CHRM3: variants seen among roughly 807,000 people sequenced by gnomAD.
The protein encoded by CHRM3 is cholinergic receptor muscarinic 3.
Under a neutral mutation model 41.8 loss-of-function variants are expected in CHRM3, and 11 were observed. The ratio of observed to expected loss-of-function variants is 0.26; its 90% CI spans 0.17 to 0.44. CHRM3 has a LOEUF of 0.44. CHRM3 is among the 20% of genes least tolerant of loss of function. The pLI is 1.00. For synonymous variants in CHRM3, 297 were observed against 301.4 expected (o/e 0.99, Z 0.15); for missense variants, 571 against 745.4 (o/e 0.77, Z 2.72).
At chr1:239,809,998 GAGACGGGTA>G (rs1274394680) in intron 5 of CHRM3, among the ~76,000 whole-genome samples, 3 of 152,192 alleles carry the variant, frequency 2.0e-5, no homozygotes, top group African/African-American at 7.2e-5. Context: ...TCTTTATCTT[GAGACGGGTA>G]AGATTCTGCA....
intron 1 of CHRM3, among the ~76,000 whole-genome samples, chr1:239,394,893 T>C (rs571807038): frequency 1.6e-4 from 24 of 152,268 alleles, no homozygotes; most frequent in African/African-American, 5.5e-4. Context: ...CTTAACCTTT[T>C]CAATTACACT....
chr1:239,791,349 ACC>A (rs1176790280), intron 5 of CHRM3, among the ~76,000 whole-genome samples: 2 of 152,014 alleles, frequency 1.3e-5, no homozygotes, highest in African/African-American at 4.8e-5. Context: ...AAGCAATCCA[ACC>A]TTCTTGGCCT....
At chr1:239,392,609 T>C (rs1045275418) in intron 1 of CHRM3, among the ~76,000 whole-genome samples, 1 of 152,226 alleles carries the variant, frequency 6.6e-6, no homozygotes, top group Non-Finnish European at 1.5e-5. Flanking sequence ...CAGCCTGTTT[T>C]GGAGAGAGTT....
intron 1 of CHRM3, among the ~76,000 whole-genome samples, chr1:239,443,400 T>G (rs1280808889): frequency 1.3e-5 from 2 of 152,066 alleles, no homozygotes; most frequent in Non-Finnish European, 2.9e-5. Context: ...AATGCAAAAT[T>G]GATATCAATT....
intron 1 of CHRM3, among the ~76,000 whole-genome samples, chr1:239,419,966 C>T (rs533345458): frequency 1.2e-4 from 18 of 152,124 alleles, no homozygotes; most frequent in Admixed American, 3.3e-4. Flanking sequence ...TTCGGCAGTC[C>T]GCTGACTGTC....
intron 5 of CHRM3, among the ~76,000 whole-genome samples, chr1:239,799,875 G>A (rs1670075385): frequency 6.6e-6 from 1 of 152,140 alleles, no homozygotes; most frequent in South Asian, 2.1e-4. Context: ...AGAGCACGTT[G>A]GAAGCTTAGA....
intron 4 of CHRM3, among the ~76,000 whole-genome samples, chr1:239,670,862 TG>T (rs1256135980): frequency 6.6e-6 from 1 of 152,126 alleles, no homozygotes; most frequent in Non-Finnish European, 1.5e-5. Flanking sequence ...GAACTTCATA[TG>T]CAAGTTTCTG....
chr1:239,494,877 T>A (rs1667782248), intron 2 of CHRM3, among the ~76,000 whole-genome samples: 1 of 152,204 alleles, frequency 6.6e-6, no homozygotes, highest in African/African-American at 2.4e-5. Flanking sequence ...GGACATGACC[T>A]CATTCCTTTT....
intron 1 of CHRM3, among the ~76,000 whole-genome samples, chr1:239,471,499 T>C (rs1247572957): frequency 6.6e-6 from 1 of 152,204 alleles, no homozygotes; most frequent in Non-Finnish European, 1.5e-5. Flanking sequence ...GGTTGTCTTA[T>C]GGCTCAGAGA....
At chr1:239,899,544 A>G (rs192148977) in intron 6 of CHRM3, among the ~76,000 whole-genome samples, 6 of 149,732 alleles carry the variant, frequency 4.0e-5, no homozygotes, top group African/African-American at 1.2e-4. Context: ...CAATTAGCGG[A>G]CCAATTAGTG....
Position 239,387,039 on chromosome 1 carries a change from C to A in CHRM3, c.-709C>A, listed in dbSNP as rs1658565493. The A allele has an allele frequency of 6.6e-6, 1 of 152,480 alleles. No homozygotes were observed. The highest frequency in any genetic ancestry group is 2.4e-5 in the African/African-American group (1 of 41,584). 9.4% of individuals were successfully genotyped at this position (152,480 alleles called of 1,614,324 possible). On this transcript the variant is annotated 5_prime_UTR_variant, in exon 1 of 7. Transcript: ENST00000676153. This position sits in a 1 kb window ranked among gnomAD's most constrained non-coding sequence, Gnocchi z 5.1. ...GCTCCTCATCAGTCCGCCGGGGCCG[C>A]AGCAGCGCTTCTGGGAAGACGGGCG...
intron 1 of CHRM3, among the ~76,000 whole-genome samples, chr1:239,435,133 T>G (rs570637484): frequency 6.6e-6 from 1 of 152,336 alleles, no homozygotes; most frequent in African/African-American, 2.4e-5. Flanking sequence ...TTAGTAATGC[T>G]TAATGCTTTT....
intron 1 of CHRM3, among the ~76,000 whole-genome samples, chr1:239,478,084 C>T (rs1191125808): frequency 6.6e-6 from 1 of 152,144 alleles, no homozygotes; most frequent in Non-Finnish European, 1.5e-5. Flanking sequence ...AAAGATCTCC[C>T]ACAATGTGGA....
intron 1 of CHRM3, among the ~76,000 whole-genome samples, chr1:239,441,180 A>G (rs1247115815): frequency 6.6e-6 from 1 of 152,218 alleles, no homozygotes; most frequent in African/African-American, 2.4e-5. Context: ...ATAGATCTGA[A>G]GTGGAAAAAA....
Position 239,432,702 on chromosome 1 carries a change from G to A in CHRM3, c.-521+45475G>A, listed in dbSNP as rs963786433. Among the ~76,000 whole-genome samples, 3 of 152,174 alleles carry A rather than the reference G, an allele frequency of 2.0e-5. No homozygotes were observed. The South Asian group carries it at 6.2e-4, about 31-fold the overall frequency. On this transcript the variant is annotated intron_variant, in intron 1 of 6. Coordinates refer to ENST00000676153, the MANE Select transcript of CHRM3 (RefSeq NM_001375978.1). ...TGAAAATCAATTATGGTATCATTTA[G>A]TAAACTAATTTAAGGAGAAGATTGA...
intron 4 of CHRM3, among the ~76,000 whole-genome samples, chr1:239,644,180 A>C (rs1671519512): frequency 6.6e-6 from 1 of 152,158 alleles, no homozygotes; most frequent in African/African-American, 2.4e-5. Flanking sequence ...TACAGCCCTC[A>C]CCCTGCACAT....
At chr1:239,480,719 G>T (rs1469114072) in intron 1 of CHRM3, among the ~76,000 whole-genome samples, 4 of 151,910 alleles carry the variant, frequency 2.6e-5, no homozygotes, top group Non-Finnish European at 5.9e-5. Context: ...AGCACACCTG[G>T]CTAATTTTTT....
chr1:239,642,079 T>C lies in CHRM3; in HGVS notation c.-250+9793T>C, dbSNP rs1406283982. Among the ~76,000 whole-genome samples the C allele has an allele frequency of 7.0e-5, 9 of 127,758 alleles. 2 individuals are homozygous for C. The highest frequency in any genetic ancestry group is 1.3e-4 in the Non-Finnish European group (8 of 60,212). The allele number at this position is 127,758 out of a possible 152,430, so 83.8% of individuals were successfully genotyped here. On this transcript the variant is annotated intron_variant, in intron 4 of 6. Transcript: ENST00000676153. ...GGTTGAAAATTCTTTTCTTTAAGAA[T>C]GTTGAATATTGGCCCCCACTCTCTT...
At chr1:239,568,242 T>C (rs916944032) in intron 3 of CHRM3, among the ~76,000 whole-genome samples, 3 of 152,182 alleles carry the variant, frequency 2.0e-5, no homozygotes, top group African/African-American at 7.2e-5. Context: ...AATCTCATCT[T>C]GAATTGTAGC....
Sources: gnomAD v4.1 joint callset for allele counts (sites outside exome capture counted in the v4.1 genomes callset) on GRCh38, gnomAD v4.1.1 for gene constraint, Gnocchi (gnomAD v3.1) non-coding constraint, MANE v1.5 for transcripts, NCBI Gene and HGNC (gene_info 2026-07-23, HGNC 2026-07-21) for gene names.